The following ZNF831 variants were observed in gnomAD, a reference collection of about 807,000 sequenced individuals.
ZNF831 encodes chromosome 20 open reading frame 174.
In ZNF831, 59 loss-of-function variants were observed where a neutral mutation model predicts 95.8. The observed-to-expected ratio is 0.62, with a 90% CI of 0.50 to 0.77. ZNF831 has a LOEUF of 0.77. Ranked by LOEUF, ZNF831 falls within the 30% of genes least tolerant of loss-of-function variation. The pLI, the probability that ZNF831 is intolerant of heterozygous loss-of-function variation, is 0.00. For missense variants in ZNF831, 2,205 were observed against 2,164.0 expected, an observed-to-expected ratio of 1.02 and a Z score of -0.38; for synonymous variants, 961 against 925.5, an observed-to-expected ratio of 1.04 and a Z score of -0.70.
chr20:59,203,543 TTGTC>T (rs1414487135), intron 3 of ZNF831, among the ~76,000 whole-genome samples: 2 of 152,192 alleles, frequency 1.3e-5, no homozygotes, highest in African/African-American at 4.8e-5. Flanking sequence ...GTGGCACAGA[TTGTC>T]TGTGGCATAC....
intron 4 of ZNF831, among the ~76,000 whole-genome samples, chr20:59,211,455 G>A (rs1985327183): frequency 6.6e-6 from 1 of 152,204 alleles, no homozygotes; most frequent in South Asian, 2.1e-4. Flanking sequence ...AAGGCTAGTA[G>A]GGCAAACCAG....
intron 4 of ZNF831, among the ~76,000 whole-genome samples, chr20:59,247,512 C>T (rs554193228): frequency 6.6e-6 from 1 of 152,230 alleles, no homozygotes; most frequent in African/African-American, 2.4e-5. Flanking sequence ...CGAAAACAGG[C>T]TTAAAAATAT....
chr20:59,166,246 G>A (rs529591387), intron 1 of ZNF831, among the ~76,000 whole-genome samples: 48 of 152,252 alleles, frequency 3.2e-4, no homozygotes, highest in Non-Finnish European at 5.7e-4. Flanking sequence ...TGTGGTACTC[G>A]TGGCTAGGGT....
chr20:59,233,390 A>T (rs1246732357), intron 4 of ZNF831, among the ~76,000 whole-genome samples: 1 of 152,096 alleles, frequency 6.6e-6, no homozygotes, highest in African/African-American at 2.4e-5. Context: ...TGGGGGAAAA[A>T]ATCTGAGTAG....
At chr20:59,209,015 TAAG>T (rs890597216) in intron 4 of ZNF831, among the ~76,000 whole-genome samples, 1 of 152,160 alleles carries the variant, frequency 6.6e-6, no homozygotes, top group Non-Finnish European at 1.5e-5. Flanking sequence ...GGAGGGGAAC[TAAG>T]GTGACCCCTG....
At chr20:59,239,449 G>A (rs1357958215) in intron 4 of ZNF831, among the ~76,000 whole-genome samples, 1 of 151,868 alleles carries the variant, frequency 6.6e-6, no homozygotes. Flanking sequence ...ATACATTTTT[G>A]ATGACAACTG....
chr20:59,239,713 T>A (rs1202081793), intron 4 of ZNF831, among the ~76,000 whole-genome samples: 2 of 152,082 alleles, frequency 1.3e-5, no homozygotes, highest in Non-Finnish European at 2.9e-5. Flanking sequence ...CCTGGCTAGT[T>A]TTTGTATTTT....
chr20:59,225,316 G>A (rs1275031707), intron 4 of ZNF831, among the ~76,000 whole-genome samples: 1 of 152,118 alleles, frequency 6.6e-6, no homozygotes, highest in Non-Finnish European at 1.5e-5. Context: ...ATTTTCCACG[G>A]CTGGTTTAGC....
intron 2 of ZNF831, among the ~76,000 whole-genome samples, chr20:59,151,354 A>G (rs564854755): frequency 1.3e-5 from 2 of 152,254 alleles, no homozygotes; most frequent in African/African-American, 4.8e-5. Flanking sequence ...TCCTGCTGAG[A>G]TGCCACAGGA....
At chr20:59,157,241 A>G (rs1414597889) in intron 2 of ZNF831, among the ~76,000 whole-genome samples, 1 of 152,222 alleles carries the variant, frequency 6.6e-6, no homozygotes, top group East Asian at 1.9e-4. Context: ...TATCTCTGTG[A>G]GTTCAATTGT....
chr20:59,149,390 CTT>C (rs1230193459), intron 2 of ZNF831, among the ~76,000 whole-genome samples: 1 of 152,206 alleles, frequency 6.6e-6, no homozygotes, highest in Non-Finnish European at 1.5e-5. Context: ...GCTTATGTCT[CTT>C]TGTCTAATCT....
At chr20:59,149,262 G>A (rs2146453906) in intron 2 of ZNF831, among the ~76,000 whole-genome samples, 1 of 152,292 alleles carries the variant, frequency 6.6e-6, no homozygotes, top group African/African-American at 2.4e-5. Flanking sequence ...TCTGTGTGTG[G>A]AGGTCTGATA....
chr20:59,140,409 G>T (rs1432958534), intron 1 of ZNF831, among the ~76,000 whole-genome samples: 1 of 152,156 alleles, frequency 6.6e-6, no homozygotes, highest in Non-Finnish European at 1.5e-5. Context: ...TTGAGACTGG[G>T]CCCTCCACCC....
intron 4 of ZNF831, among the ~76,000 whole-genome samples, chr20:59,236,234 A>G (rs936244070): frequency 1.3e-5 from 2 of 152,172 alleles, no homozygotes; most frequent in African/African-American, 2.4e-5. Flanking sequence ...AACAAAAAGC[A>G]CAGGATGTCT....
chr20:59,246,583 G>T (rs1241683276), intron 4 of ZNF831, among the ~76,000 whole-genome samples: 2 of 151,858 alleles, frequency 1.3e-5, no homozygotes, highest in Non-Finnish European at 2.9e-5. Context: ...TATTTTAAGG[G>T]CACACACTTG....
At chr20:59,124,819 C>G (rs1979118552) in intron 1 of ZNF831, among the ~76,000 whole-genome samples, 1 of 152,236 alleles carries the variant, frequency 6.6e-6, no homozygotes, top group South Asian at 2.1e-4. Flanking sequence ...CACTCCTCAT[C>G]TTTGCTGGTG....
intron 1 of ZNF831, among the ~76,000 whole-genome samples, chr20:59,172,097 G>C (rs1219737904): frequency 2.6e-5 from 4 of 152,150 alleles, no homozygotes; most frequent in African/African-American, 9.7e-5. Context: ...TGAAAACTGG[G>C]TAAAGGGCCG....
intron 1 of ZNF831, among the ~76,000 whole-genome samples, chr20:59,144,639 G>T (rs1979783836): frequency 6.6e-6 from 1 of 152,128 alleles, no homozygotes; most frequent in Non-Finnish European, 1.5e-5. Context: ...TGCTGTGGAG[G>T]GTCTGTCAGC....
At position 59,192,069 on chromosome 20, in the gene ZNF831, C is replaced by A. The variant is rs1386282214; in HGVS notation, c.1050C>A (p.Ser350=). 6.2e-7 allele frequency: 1 copy of A among 1,606,128 alleles called. No individual in the cohort carries two copies. Among genetic ancestry groups the A allele is most frequent in the African/African-American group, 1.3e-5 (1 of 74,964 alleles). ...ESTDSGYLSR[S]DSAEQPHAPC... The stretch of plus-strand genomic sequence containing the variant: ...CCGACTCGGGGTACCTGTCGCGCTC[C>A]GACAGCGCGGAGCAGCCGCATGCGC... Residue 350 remains serine, a synonymous_variant, in exon 2 of 6, where the codon TCC becomes TCA. Coordinates refer to ENST00000371030, the MANE Select transcript of ZNF831 (RefSeq NM_178457.3). The surrounding 1 kb of genome is among the most constrained non-coding windows in gnomAD (Gnocchi z 5.2).
Sources: gnomAD v4.1 joint callset for allele counts (sites outside exome capture counted in the v4.1 genomes callset) on GRCh38, gnomAD v4.1.1 for gene constraint, Gnocchi (gnomAD v3.1) non-coding constraint, MANE v1.5 for transcripts, NCBI Gene and HGNC (gene_info 2026-07-23, HGNC 2026-07-21) for gene names.